Variants in BICD1 observed in about 807,000 individuals in gnomAD.
BICD1 encodes the protein BICD cargo adaptor 1.
Under a neutral mutation model 92.5 loss-of-function variants are expected in BICD1, and 35 were observed. That is an observed-to-expected ratio of 0.38 (90% CI 0.29 to 0.50). The LOEUF is 0.50. BICD1 is among the 20% of genes least tolerant of loss of function. The pLI is 0.93. For missense variants in BICD1, 950 were observed against 1,189.8 expected (o/e 0.80, Z 2.97); for synonymous variants, 429 against 465.1 (o/e 0.92, Z 1.00).
At chr12:32,330,302 T>G (rs1937786923) in intron 5 of BICD1, among the ~76,000 whole-genome samples, 1 of 151,984 alleles carries the variant, frequency 6.6e-6, no homozygotes, top group African/African-American at 2.4e-5. Context: ...GAAACCATCA[T>G]TCTCAGCAAA....
intron 1 of BICD1, among the ~76,000 whole-genome samples, chr12:32,157,167 G>T (rs980436772): frequency 1.3e-5 from 2 of 152,120 alleles, no homozygotes; most frequent in African/African-American, 4.8e-5. Flanking sequence ...ATTGATTCAG[G>T]AGATGAAACT....
chr12:32,337,518 C>A lies in BICD1; in HGVS notation c.2272C>A (p.Gln758Lys). ...FATRCDEYVT[Q>K]LDEMQRQLAA... ...TTCCAGATGTGATGAATATGTCACCCAGTTGGATGAGATGCAGAGACAGTT... is the reference window on the plus strand; with the variant it reads ...TTCCAGATGTGATGAATATGTCACCAAGTTGGATGAGATGCAGAGACAGTT... Residue 758 changes from glutamine to lysine, a missense_variant, in exon 7 of 10, where the codon CAG becomes AAG. Physicochemically the swap from Gln to Lys is moderately conservative, Grantham distance 53 (BLOSUM62 1). Coordinates refer to ENST00000652176, the MANE Select transcript of BICD1 (RefSeq NM_001714.4). This position sits in a 1 kb window ranked among gnomAD's most constrained non-coding sequence, Gnocchi z 4.7. 1 of 1,611,126 alleles carries A rather than the reference C, an allele frequency of 6.2e-7. No homozygotes were observed. The highest frequency in any genetic ancestry group is 8.5e-7 in the Non-Finnish European group (1 of 1,177,418).
intron 2 of BICD1, among the ~76,000 whole-genome samples, chr12:32,273,549 C>T (rs1947197507): frequency 6.6e-6 from 1 of 152,124 alleles, no homozygotes; most frequent in African/African-American, 2.4e-5. Context: ...AGCCATTATA[C>T]CCCCGTCACA....
intron 1 of BICD1, among the ~76,000 whole-genome samples, chr12:32,171,552 C>T (rs1943937656): frequency 6.6e-6 from 1 of 152,146 alleles, no homozygotes; most frequent in African/African-American, 2.4e-5. Context: ...CTGGAGTACA[C>T]AGTAAGGCTA....
At chr12:32,160,586 C>T (rs943973735) in intron 1 of BICD1, among the ~76,000 whole-genome samples, 1 of 151,934 alleles carries the variant, frequency 6.6e-6, no homozygotes, top group South Asian at 2.1e-4. Flanking sequence ...TAAGAGCTAA[C>T]TGATTCAAAT....
In BICD1 at chr12:32,327,612, A is replaced by C. The variant is rs1314649986; in HGVS notation, c.1157A>C (p.Glu386Ala). 6.2e-7 allele frequency: 1 copy of C among 1,614,076 alleles called. No homozygotes were observed. Among genetic ancestry groups the C allele is most frequent in the East Asian group, 2.2e-5 (1 of 44,864 alleles). ...ATGAGGGGCCTGCAAAGCAGCAAGGAGCTCAAGGCTGAGCTGGACGGGGAG... is the reference window on the plus strand; with the variant it reads ...ATGAGGGGCCTGCAAAGCAGCAAGGCGCTCAAGGCTGAGCTGGACGGGGAG... ...NAMRGLQSSKELKAELDGEKG... is the reference protein window; with the variant it reads ...NAMRGLQSSKALKAELDGEKG... The change falls in exon 5 of 10, where the codon GAG (glutamate) becomes GCG (alanine). Residue 386 changes from glutamate (E) to alanine (A), a missense_variant. Transcript: ENST00000652176.
chr12:32,128,475 T>TAAAGAGATAA (rs373786557), intron 1 of BICD1, among the ~76,000 whole-genome samples: 15,597 of 152,240 alleles, frequency 0.1, 1,058 homozygotes, highest in Middle Eastern at 0.2. Context: ...ATAAATAACC[T>TAAAGAGATAA]CATAATCACA....
At chr12:32,124,337 AAACAATATGAGTTTTTGAGTTAAG>A (rs1236920652) in intron 1 of BICD1, among the ~76,000 whole-genome samples, 3 of 152,214 alleles carry the variant, frequency 2.0e-5, no homozygotes, top group Admixed American at 6.5e-5. Flanking sequence ...ATTTTACTGG[AAACAATATGAGTTTTTGAGTTAAG>A]AACAGACTGT....
chr12:32,142,350 G>A (rs1019833860), intron 1 of BICD1, among the ~76,000 whole-genome samples: 1 of 139,080 alleles, frequency 7.2e-6, no homozygotes, highest in Non-Finnish European at 1.5e-5. Flanking sequence ...AGGTTGCAGT[G>A]AGCTGAGATC....
chr12:32,365,970 A>T (rs1167403741), intron 8 of BICD1, among the ~76,000 whole-genome samples: 1 of 152,204 alleles, frequency 6.6e-6, no homozygotes, highest in African/African-American at 2.4e-5. Context: ...CCAGCTACTA[A>T]ACAAAAATCA....
At chr12:32,295,857 T>A (rs1947853998) in intron 3 of BICD1, among the ~76,000 whole-genome samples, 1 of 152,090 alleles carries the variant, frequency 6.6e-6, no homozygotes, top group Non-Finnish European at 1.5e-5. Flanking sequence ...TGTACCATGT[T>A]GGCCAAGCTG....
intron 2 of BICD1, among the ~76,000 whole-genome samples, chr12:32,263,588 AC>A (rs1207387521): frequency 6.6e-6 from 1 of 152,068 alleles, no homozygotes; most frequent in East Asian, 1.9e-4. Context: ...GAATGTGAGA[AC>A]ATGTTTCAAG....
intron 8 of BICD1, among the ~76,000 whole-genome samples, chr12:32,343,854 G>A (rs990895657): frequency 6.6e-6 from 1 of 152,184 alleles, no homozygotes; most frequent in Non-Finnish European, 1.5e-5. Context: ...AGTACACACT[G>A]ACATGTTCAT....
intron 1 of BICD1, among the ~76,000 whole-genome samples, chr12:32,211,154 G>A (rs1945201510): frequency 6.6e-6 from 1 of 152,188 alleles, no homozygotes; most frequent in Non-Finnish European, 1.5e-5. Context: ...ATTTGCAAAT[G>A]CAGATCATGA....
At chr12:32,173,293 G>A (rs1021761812) in intron 1 of BICD1, among the ~76,000 whole-genome samples, 2 of 152,024 alleles carry the variant, frequency 1.3e-5, no homozygotes, top group African/African-American at 4.8e-5. Context: ...CAGGCAATCC[G>A]CCCGCCTCGG....
chr12:32,227,107 A>G (rs1309638652), intron 2 of BICD1, among the ~76,000 whole-genome samples: 1 of 152,056 alleles, frequency 6.6e-6, no homozygotes, highest in Non-Finnish European at 1.5e-5. Context: ...TCCTCCATGT[A>G]AAGCTACTAG....
intron 4 of BICD1, among the ~76,000 whole-genome samples, chr12:32,319,014 TA>T (rs1948580013): frequency 6.6e-6 from 1 of 152,254 alleles, no homozygotes; most frequent in Non-Finnish European, 1.5e-5. Context: ...ACTTGCTTAT[TA>T]GTCCTAATAG....
intron 4 of BICD1, among the ~76,000 whole-genome samples, chr12:32,308,249 GAGA>G (rs1456480595): frequency 6.6e-6 from 1 of 152,200 alleles, no homozygotes; most frequent in African/African-American, 2.4e-5. Context: ...TTTCTTCCTT[GAGA>G]AGGTTTAGCG....
At position 32,298,479 on chromosome 12, in the gene BICD1, C is replaced by T. The variant is rs1369401410; in HGVS notation, c.579+4333C>T. On this transcript the variant is annotated intron_variant, in intron 3 of 9. Coordinates refer to ENST00000652176, the MANE Select transcript of BICD1 (RefSeq NM_001714.4). The stretch of plus-strand genomic sequence containing the variant: ...ACTCAGGAGGCTGAGGCAGGAGAAT[C>T]GCTTGAACCCAGGAGGCGGAGGTTG... Among the ~76,000 whole-genome samples, 4 of 148,158 alleles carry T rather than the reference C, an allele frequency of 2.7e-5. No individual in the cohort carries two copies. The South Asian group carries it at 6.4e-4, about 24-fold the overall frequency.
Sources: allele counts gnomAD v4.1 joint callset (sites outside exome capture counted in the v4.1 genomes callset), GRCh38; gene constraint gnomAD v4.1.1; non-coding constraint Gnocchi (gnomAD v3.1); transcripts MANE v1.5; gene names NCBI Gene and HGNC (gene_info 2026-07-23, HGNC 2026-07-21).